MARCHF1: variants seen among roughly 807,000 people sequenced by gnomAD.
MARCHF1 encodes the protein E3 ubiquitin-protein ligase MARCHF1.
A neutral mutation model predicts 54.2 loss-of-function variants in MARCHF1; 40 were observed. The observed-to-expected ratio is 0.74, with a 90% CI of 0.57 to 0.96. The LOEUF is 0.96. Among genes scored for constraint, MARCHF1 ranks in the 40% least tolerant of loss-of-function variants. MARCHF1 has a pLI of 0.00. For missense variants in MARCHF1, 586 were observed against 656.5 expected (o/e 0.89, Z 1.17); for synonymous variants, 236 against 236.3 (o/e 1.00, Z 0.01).
At chr4:164,230,325 G>T (rs1393721626) in intron 1 of MARCHF1, among the ~76,000 whole-genome samples, 1 of 151,646 alleles carries the variant, frequency 6.6e-6, no homozygotes, top group Admixed American at 6.6e-5. Flanking sequence ...AACCCAGGAG[G>T]AGGAGGTTGC....
At chr4:163,888,918 A>G (rs1321323514) in intron 3 of MARCHF1, among the ~76,000 whole-genome samples, 1 of 152,170 alleles carries the variant, frequency 6.6e-6, no homozygotes, top group African/African-American at 2.4e-5. Context: ...CTGAGGATTC[A>G]AATACATTCA....
intron 2 of MARCHF1, among the ~76,000 whole-genome samples, chr4:163,989,926 G>T (rs1752941614): frequency 6.6e-6 from 1 of 152,066 alleles, no homozygotes; most frequent in South Asian, 2.1e-4. Flanking sequence ...TTATAAGTTA[G>T]AATTTTTCCC....
intron 3 of MARCHF1, among the ~76,000 whole-genome samples, chr4:163,900,714 G>A (rs1750921492): frequency 6.6e-6 from 1 of 151,996 alleles, no homozygotes; most frequent in Admixed American, 6.6e-5. Flanking sequence ...TAGATATTTT[G>A]TCTTTAATTC....
intron 2 of MARCHF1, among the ~76,000 whole-genome samples, chr4:164,102,625 G>A (rs1396210221): frequency 6.6e-6 from 1 of 151,316 alleles, no homozygotes; most frequent in African/African-American, 2.4e-5. Flanking sequence ...CACTAAACAT[G>A]GAAAGGAACA....
At chr4:163,687,596 G>T (rs1344324856) in intron 5 of MARCHF1, among the ~76,000 whole-genome samples, 2 of 152,108 alleles carry the variant, frequency 1.3e-5, no homozygotes. Context: ...ATTTTCATTT[G>T]CTAAAGGTAA....
intron 2 of MARCHF1, among the ~76,000 whole-genome samples, chr4:164,065,492 A>C (rs1301191742): frequency 6.6e-6 from 1 of 152,224 alleles, no homozygotes; most frequent in African/African-American, 2.4e-5. Context: ...CTATCAACAG[A>C]GTACACAGAT....
At chr4:163,762,626 C>A (rs148990861) in intron 4 of MARCHF1, among the ~76,000 whole-genome samples, 1 of 151,924 alleles carries the variant, frequency 6.6e-6, no homozygotes, top group South Asian at 2.1e-4. Flanking sequence ...TTTCTTTGAC[C>A]GTTGTAAACA....
chr4:163,847,362 T>C (rs1317084640), intron 4 of MARCHF1, among the ~76,000 whole-genome samples: 1 of 152,152 alleles, frequency 6.6e-6, no homozygotes, highest in Non-Finnish European at 1.5e-5. Context: ...GGTATTTGGT[T>C]CAGTAGCTGA....
chr4:163,861,380 A>C (rs72685646), intron 3 of MARCHF1, among the ~76,000 whole-genome samples: 14,659 of 152,208 alleles, frequency 0.096, 731 homozygotes, highest in African/African-American at 0.13. Flanking sequence ...ATAATAGAGC[A>C]GAAGAAGTGT....
intron 3 of MARCHF1, among the ~76,000 whole-genome samples, chr4:163,906,083 T>A (rs1751060883): frequency 6.6e-6 from 1 of 152,168 alleles, no homozygotes; most frequent in Middle Eastern, 3.4e-3. Flanking sequence ...AATGGATACA[T>A]GGAGAAATAT....
chr4:163,620,367 T>TA (rs1213683628), intron 5 of MARCHF1, among the ~76,000 whole-genome samples: 5 of 151,996 alleles, frequency 3.3e-5, no homozygotes, highest in Admixed American at 6.6e-5. Context: ...TCTATTAAAA[T>TA]AAAAAAATGT....
chr4:163,766,476 C>T (rs1454935755), intron 4 of MARCHF1, among the ~76,000 whole-genome samples: 1 of 152,058 alleles, frequency 6.6e-6, no homozygotes, highest in Non-Finnish European at 1.5e-5. Context: ...GAAGAAATAT[C>T]TTTATTCAAA....
intron 1 of MARCHF1, among the ~76,000 whole-genome samples, chr4:164,119,549 T>A (rs1427206297): frequency 6.6e-6 from 1 of 151,502 alleles, no homozygotes; most frequent in African/African-American, 2.4e-5. Context: ...AGGTTAAAAA[T>A]TTTAAAGATT....
chr4:163,928,960 T>C (rs1751596720), intron 3 of MARCHF1, among the ~76,000 whole-genome samples: 1 of 151,944 alleles, frequency 6.6e-6, no homozygotes. Flanking sequence ...GAGACCTATA[T>C]GTGCTTCTAT....
At chr4:163,721,512 A>C (rs1212363365) in intron 4 of MARCHF1, among the ~76,000 whole-genome samples, 9 of 152,114 alleles carry the variant, frequency 5.9e-5, no homozygotes, top group Admixed American at 1.3e-4. Context: ...TGTCTCTGCC[A>C]GGCTTTGGTA....
chr4:164,146,277 C>G (rs1228839642), intron 1 of MARCHF1, among the ~76,000 whole-genome samples: 2 of 148,522 alleles, frequency 1.3e-5, no homozygotes, highest in Non-Finnish European at 3.0e-5. Flanking sequence ...CATGCCATCC[C>G]CATCAAGCTA....
At chr4:164,244,766 T>C (rs2111223658) in intron 1 of MARCHF1, among the ~76,000 whole-genome samples, 1 of 151,988 alleles carries the variant, frequency 6.6e-6, no homozygotes, top group Non-Finnish European at 1.5e-5. Context: ...TAAAAAATGA[T>C]AAAGGGGATA....
chr4:164,284,429 T>C (rs775107661), intron 1 of MARCHF1, among the ~76,000 whole-genome samples: 1 of 150,812 alleles, frequency 6.6e-6, no homozygotes, highest in Non-Finnish European at 1.5e-5. Flanking sequence ...GGACGCCCTA[T>C]AGTGTTTTGG....
At chr4:163,831,068 G>A (rs1749008253) in intron 4 of MARCHF1, among the ~76,000 whole-genome samples, 1 of 152,168 alleles carries the variant, frequency 6.6e-6, no homozygotes, top group Non-Finnish European at 1.5e-5. Context: ...GTATAGTTCT[G>A]CGAGTCTTTA....
Sources: allele counts gnomAD v4.1 joint callset (sites outside exome capture counted in the v4.1 genomes callset), GRCh38; gene constraint gnomAD v4.1.1; transcripts MANE v1.5; gene names NCBI Gene and HGNC (gene_info 2026-07-23, HGNC 2026-07-21).